Variants in ZNF148 observed in about 807,000 individuals in gnomAD.
ZNF148 encodes the protein zinc finger protein 148.
A neutral mutation model predicts 67.7 loss-of-function variants in ZNF148; 7 were observed. That is an observed-to-expected ratio of 0.10 (90% confidence interval 0.06 to 0.19). The LOEUF (loss-of-function observed/expected upper bound fraction) is 0.19. Among genes scored for constraint, ZNF148 ranks in the 10% least tolerant of loss-of-function variants. The pLI is 1.00. For missense variants in ZNF148, 583 were observed against 947.1 expected, an observed-to-expected ratio of 0.62 and a Z score of 5.05; for synonymous variants, 333 against 330.7, an observed-to-expected ratio of 1.01 and a Z score of -0.08.
intron 7 of ZNF148, among the ~76,000 whole-genome samples, chr3:125,266,858 A>G (rs1314489005): frequency 6.6e-6 from 1 of 152,130 alleles, no homozygotes; most frequent in Non-Finnish European, 1.5e-5. Context: ...AGAAACAACA[A>G]AAGTGACATT....
At chr3:125,277,074 A>G (rs1449528588) in intron 7 of ZNF148, among the ~76,000 whole-genome samples, 1 of 152,216 alleles carries the variant, frequency 6.6e-6, no homozygotes, top group Non-Finnish European at 1.5e-5. Context: ...AATCAATTCT[A>G]AAGAAACACT....
intron 4 of ZNF148, among the ~76,000 whole-genome samples, chr3:125,309,475 A>G (rs1456709424): frequency 6.6e-6 from 1 of 152,218 alleles, no homozygotes; most frequent in East Asian, 1.9e-4. Context: ...AATAAATAAT[A>G]TTATAGGCAT....
chr3:125,331,305 T>G (rs1941280994), intron 1 of ZNF148, 67 bp from the exon 2 acceptor site: 1 of 398,078 alleles, frequency 2.5e-6, no homozygotes, highest in Admixed American at 4.4e-5. Context: ...CTTAAAGAAG[T>G]CAGGTAAAAC....
chr3:125,308,458 G>A (rs1327023851), intron 4 of ZNF148, among the ~76,000 whole-genome samples: 1 of 148,606 alleles, frequency 6.7e-6, no homozygotes, highest in Non-Finnish European at 1.5e-5. Context: ...TTGTTTAGAT[G>A]TTGGTTTGTC....
chr3:125,245,003 C>T (rs980627420), intron 7 of ZNF148, among the ~76,000 whole-genome samples: 1 of 152,136 alleles, frequency 6.6e-6, no homozygotes, highest in Admixed American at 6.5e-5. Flanking sequence ...CTGCTTATCT[C>T]ATTCTATATT....
intron 7 of ZNF148, among the ~76,000 whole-genome samples, chr3:125,247,483 C>T (rs1018144688): frequency 6.6e-5 from 10 of 151,960 alleles, no homozygotes; most frequent in Admixed American, 6.6e-4. Flanking sequence ...GTCAACCAGG[C>T]TAGAGTGCAG....
chr3:125,360,765 G>A (rs1942509913), intron 1 of ZNF148, among the ~76,000 whole-genome samples: 1 of 150,346 alleles, frequency 6.7e-6, no homozygotes, highest in Non-Finnish European at 1.5e-5. Flanking sequence ...GATCGCTTGA[G>A]ACCAGAAGTT....
rs201795172 is a variant in ZNF148, at chr3:125,308,565, T to C, written c.333+4743A>G. Among the ~76,000 whole-genome samples, 5 of 146,416 alleles carry C rather than the reference T, an allele frequency of 3.4e-5. No individual in the cohort carries two copies. The East Asian group carries it at 9.9e-4, about 29-fold the overall frequency. On this transcript the variant is annotated intron_variant, in intron 4 of 8. Coordinates refer to ENST00000360647, the MANE Select transcript of ZNF148 (RefSeq NM_021964.3). ...ACAAAAACCTAAAAGGTGGATTCCA[T>C]ACTTTATATGAAAATGCAAAGGACC...
At chr3:125,357,990 T>G (rs758119522) in intron 1 of ZNF148, among the ~76,000 whole-genome samples, 1 of 152,218 alleles carries the variant, frequency 6.6e-6, no homozygotes, top group African/African-American at 2.4e-5. Context: ...ATCTTTCCAT[T>G]TTACTTTTCT....
chr3:125,308,034 C>A (rs575705999), intron 4 of ZNF148, among the ~76,000 whole-genome samples: 1 of 152,050 alleles, frequency 6.6e-6, no homozygotes, highest in African/African-American at 2.4e-5. Flanking sequence ...CTACTTGCAT[C>A]GCTTCTATTC....
chr3:125,234,593 G>C (rs1374156689), intron 7 of ZNF148, among the ~76,000 whole-genome samples: 5 of 152,038 alleles, frequency 3.3e-5, no homozygotes, highest in Non-Finnish European at 5.9e-5. Flanking sequence ...GCAGTGCCAG[G>C]AATTTATAGC....
rs71148176 is a variant in ZNF148 at position 125,336,677 on chromosome 3, C to CTTTTTTTTTTTTTTTTTTT, written c.-233-5440_-233-5439insAAAAAAAAAAAAAAAAAAA. Among the ~76,000 whole-genome samples the CTTTTTTTTTTTTTTTTTTT allele has an allele frequency of 5.2e-5, 5 of 95,336 alleles. 1 individual carries two copies. Among genetic ancestry groups the CTTTTTTTTTTTTTTTTTTT allele is most frequent in the African/African-American group, 1.8e-4 (4 of 22,476 alleles). The allele number at this position is 95,336 out of a possible 152,430, so 62.5% of individuals were successfully genotyped here. A position where few individuals can be genotyped will look rare whatever the true frequency, so the allele number is the denominator to read the frequency against. Reference sequence around the variant, plus strand: ...TCAAACCAACCACCCCAGAAATCACCTTTTTTTTTTTTTTTTTTGAGATGT... The same window carrying CTTTTTTTTTTTTTTTTTTT: ...TCAAACCAACCACCCCAGAAATCACCTTTTTTTTTTTTTTTTTTTTTTTTTTTTTTTTTTTTTGAGATGT... On this transcript the variant is annotated intron_variant, in intron 1 of 8. Coordinates refer to ENST00000360647, the MANE Select transcript of ZNF148 (RefSeq NM_021964.3).
chr3:125,323,690 G>A (rs1449956083), intron 2 of ZNF148, among the ~76,000 whole-genome samples: 1 of 152,090 alleles, frequency 6.6e-6, no homozygotes, highest in African/African-American at 2.4e-5. Context: ...GCCAGTCGCA[G>A]TTGCTCACGC....
At chr3:125,362,765 G>C (rs1048542918) in intron 1 of ZNF148, among the ~76,000 whole-genome samples, 1 of 152,024 alleles carries the variant, frequency 6.6e-6, no homozygotes, top group African/African-American at 2.4e-5. Context: ...ATGTTGCCCA[G>C]CATGGTCTCG....
intron 7 of ZNF148, among the ~76,000 whole-genome samples, chr3:125,251,829 T>C (rs1936854051): frequency 6.6e-6 from 1 of 152,174 alleles, no homozygotes; most frequent in Non-Finnish European, 1.5e-5. Flanking sequence ...GGAGTGGAAA[T>C]GGCAGATCAT....
intron 7 of ZNF148, among the ~76,000 whole-genome samples, chr3:125,243,111 T>C (rs1244024059): frequency 2.6e-5 from 4 of 152,330 alleles, no homozygotes; most frequent in Admixed American, 1.3e-4. Flanking sequence ...GTTTACTCTT[T>C]TCACCTAGGA....
At chr3:125,240,119 T>C (rs1358138941) in intron 7 of ZNF148, among the ~76,000 whole-genome samples, 1 of 152,236 alleles carries the variant, frequency 6.6e-6, no homozygotes, top group East Asian at 1.9e-4. Flanking sequence ...TTTTTAAATA[T>C]GCATGGTAAT....
At position 125,274,675 on chromosome 3, in the gene ZNF148, T is replaced by C. The variant is rs190951797; in HGVS notation, c.667+3051A>G. Among the ~76,000 whole-genome samples, 182 of 152,262 alleles carry C rather than the reference T, an allele frequency of 1.2e-3. 1 individual carries two copies. The highest frequency in any genetic ancestry group is 5.0e-3 in the Admixed American group (76 of 15,292). Reference sequence around the variant, plus strand: ...AAGCAAGTAATGATTTTTAACTATGTTGCAAAGGGGCAGAGAATGGGCTTG... The same window carrying C: ...AAGCAAGTAATGATTTTTAACTATGCTGCAAAGGGGCAGAGAATGGGCTTG... On this transcript the variant is annotated intron_variant, in intron 7 of 8. Transcript: ENST00000360647.
intron 7 of ZNF148, among the ~76,000 whole-genome samples, chr3:125,267,013 T>C (rs958922860): frequency 2.0e-5 from 3 of 150,358 alleles, no homozygotes; most frequent in Admixed American, 6.6e-5. Flanking sequence ...ATTCAAACCT[T>C]GAACAGATCA....
Sources: gnomAD v4.1 joint callset for allele counts (sites outside exome capture counted in the v4.1 genomes callset) on GRCh38, gnomAD v4.1.1 for gene constraint, MANE v1.5 for transcripts, NCBI Gene and HGNC (gene_info 2026-07-23, HGNC 2026-07-21) for gene names.